USO1: variants seen among roughly 807,000 people sequenced by gnomAD.
The protein encoded by USO1 is general vesicular transport factor p115.
A neutral mutation model predicts 124.5 loss-of-function variants in USO1; 57 were observed. The ratio of observed to expected loss-of-function variants is 0.46; its 90% CI spans 0.37 to 0.57. The LOEUF is 0.57. USO1 is among the 20% of genes least tolerant of loss of function. The pLI, the probability that USO1 is intolerant of heterozygous loss-of-function variation, is 0.00. For missense variants in USO1, 900 were observed against 1,040.6 expected (o/e 0.86, Z 1.86); for synonymous variants, 369 against 362.8 (o/e 1.02, Z -0.19).
intron 3 of USO1, among the ~76,000 whole-genome samples, chr4:75,756,459 A>G (rs1242389222): frequency 6.6e-6 from 1 of 152,028 alleles, no homozygotes; most frequent in Non-Finnish European, 1.5e-5. Flanking sequence ...AATATGGAAA[A>G]TAGAATGCAT....
At chr4:75,750,217 T>G (rs1375744913) in intron 1 of USO1, among the ~76,000 whole-genome samples, 1 of 152,122 alleles carries the variant, frequency 6.6e-6, no homozygotes, top group East Asian at 1.9e-4. Flanking sequence ...GAGAATCACT[T>G]GAGCCCAGGA....
chr4:75,779,019 A>G (rs1339380488), intron 8 of USO1, among the ~76,000 whole-genome samples: 1 of 152,170 alleles, frequency 6.6e-6, no homozygotes, highest in South Asian at 2.1e-4. Context: ...TAATATTTCA[A>G]AAGTTTCATT....
intron 1 of USO1, among the ~76,000 whole-genome samples, chr4:75,731,572 A>C (rs1363938776): frequency 1.3e-5 from 2 of 152,236 alleles, no homozygotes; most frequent in Non-Finnish European, 2.9e-5. Context: ...AAAAAAAAAA[A>C]AAAATGACTT....
chr4:75,730,261 T>C (rs1329551454), intron 1 of USO1, among the ~76,000 whole-genome samples: 1 of 152,230 alleles, frequency 6.6e-6, no homozygotes, highest in Non-Finnish European at 1.5e-5. Flanking sequence ...TACCAAGGTA[T>C]GCTTCAAAAA....
chr4:75,791,052 C>T (rs1004365138), intron 12 of USO1, among the ~76,000 whole-genome samples: 2 of 152,124 alleles, frequency 1.3e-5, no homozygotes, highest in Non-Finnish European at 2.9e-5. Flanking sequence ...TTAACTTGAG[C>T]CTCACTGAGT....
chr4:75,754,454 C>T (rs1721381508), intron 3 of USO1, among the ~76,000 whole-genome samples: 1 of 152,194 alleles, frequency 6.6e-6, no homozygotes, highest in African/African-American at 2.4e-5. Flanking sequence ...GCTTCCAGAT[C>T]TTAGCTACAG....
intron 18 of USO1, 122 bp from the exon 19 acceptor site, chr4:75,805,018 G>A (rs1271170601): frequency 4.7e-6 from 6 of 1,284,094 alleles, no homozygotes; most frequent in African/African-American, 1.5e-5. Context: ...AAGATGAAAT[G>A]TGATTGCAAA....
chr4:75,733,877 C>G (rs1185042488), intron 1 of USO1, among the ~76,000 whole-genome samples: 1 of 149,808 alleles, frequency 6.7e-6, no homozygotes, highest in African/African-American at 2.4e-5. Context: ...GGCACTTAGT[C>G]ATAAATTCTT....
intron 2 of USO1, 37 bp downstream of exon 2, chr4:75,752,496 T>G (rs1721319133): frequency 1.3e-5 from 5 of 398,370 alleles, no homozygotes; most frequent in Admixed American, 4.4e-5. Context: ...TTTCTTAAGT[T>G]GGATATTAGT....
chr4:75,744,470 A>C (rs540316806), intron 1 of USO1, among the ~76,000 whole-genome samples: 7 of 152,310 alleles, frequency 4.6e-5, no homozygotes, highest in African/African-American at 1.7e-4. Context: ...CCCAGGCCAG[A>C]GTGCAGTGGT....
At chr4:75,781,649 T>C (rs958035280) in intron 8 of USO1, among the ~76,000 whole-genome samples, 2 of 152,218 alleles carry the variant, frequency 1.3e-5, no homozygotes, top group African/African-American at 4.8e-5. Flanking sequence ...ATTGTGATAC[T>C]TGCTTTATTG....
chr4:75,793,773 G>C lies in USO1; in HGVS notation c.1324G>C (p.Val442Leu), dbSNP rs1440371257. The stretch of plus-strand genomic sequence containing the variant: ...TTCACTTTCAAACTGGTGTGCTGCT[G>C]TGGCCCTTGCCCATGCGTTGCAAGA... The part of the protein sequence containing the change: ...TDSLSNWCAA[V>L]ALAHALQENA... The change falls in exon 13 of 24, where the codon GTG (valine) becomes CTG (leucine). Residue 442 changes from valine (V) to leucine (L), a missense_variant. Physicochemically the swap from Val to Leu is conservative, Grantham distance 32. Coordinates refer to ENST00000514213, the MANE Select transcript of USO1 (RefSeq NM_003715.4). 1.2e-6 allele frequency: 2 copies of C among 1,613,918 alleles called. No homozygotes were observed. The highest frequency in any genetic ancestry group is 2.2e-5 in the South Asian group (2 of 91,082).
intron 9 of USO1, among the ~76,000 whole-genome samples, chr4:75,785,863 G>T (rs182894819): frequency 2.2e-4 from 34 of 152,204 alleles, no homozygotes; most frequent in African/African-American, 8.2e-4. Flanking sequence ...AGAAGGAAAA[G>T]AAGTAGTAAG....
chr4:75,785,695 T>C (rs1310856096), intron 9 of USO1, among the ~76,000 whole-genome samples: 3 of 152,102 alleles, frequency 2.0e-5, no homozygotes, highest in Non-Finnish European at 2.9e-5. Flanking sequence ...GTAAAGACAC[T>C]CAACTGCTAT....
At chr4:75,785,373 A>C (rs1290206286) in intron 9 of USO1, among the ~76,000 whole-genome samples, 1 of 152,074 alleles carries the variant, frequency 6.6e-6, no homozygotes, top group African/African-American at 2.4e-5. Flanking sequence ...AAAAAATTAT[A>C]GTTTTATGGC....
rs2149154458 is a variant in USO1, at chr4:75,752,486, TTTC to T, written c.153+30_153+32del. The T allele has an allele frequency of 2.0e-5, 8 of 398,462 alleles. No homozygotes were observed. In the East Asian group the frequency reaches 2.5e-4, roughly 12 times the overall value. 24.7% of individuals were successfully genotyped at this position (398,462 alleles called of 1,614,324 possible). On this transcript the variant is annotated intron_variant, in intron 2 of 23. Transcript: ENST00000514213. ...TTTGTAACTTTGTAAATGTTTTAAG[TTTC>T]TTAAGTTGGATATTAGTTACTTTAG...
intron 17 of USO1, among the ~76,000 whole-genome samples, chr4:75,802,003 G>A (rs570161260): frequency 1.3e-5 from 2 of 152,146 alleles, no homozygotes; most frequent in African/African-American, 4.8e-5. Flanking sequence ...ATTTTTAGTA[G>A]AGATGAGGTT....
At chr4:75,784,779 A>G (rs1356132719) in intron 9 of USO1, among the ~76,000 whole-genome samples, 1 of 151,292 alleles carries the variant, frequency 6.6e-6, no homozygotes, top group African/African-American at 2.4e-5. Flanking sequence ...ACAGAGTGAG[A>G]CTCTATCTCA....
chr4:75,733,057 G>A (rs918379839), intron 1 of USO1, among the ~76,000 whole-genome samples: 56 of 151,062 alleles, frequency 3.7e-4, no homozygotes, highest in African/African-American at 1.3e-3. Context: ...TCAGGAGTTC[G>A]AGACCAGCCT....
Sources: gnomAD v4.1 joint callset for allele counts (sites outside exome capture counted in the v4.1 genomes callset) on GRCh38, gnomAD v4.1.1 for gene constraint, MANE v1.5 for transcripts, NCBI Gene and HGNC (gene_info 2026-07-23, HGNC 2026-07-21) for gene names.